Variants in RIMS2 observed in about 807,000 individuals in gnomAD.
The protein encoded by RIMS2 is regulating synaptic membrane exocytosis protein 2.
RIMS2 carries 59 observed loss-of-function variants against 174.4 expected under a neutral mutation model. The ratio of observed to expected loss-of-function variants is 0.34; its 90% CI spans 0.27 to 0.42. The LOEUF is 0.42. Among genes scored for constraint, RIMS2 ranks in the 10% least tolerant of loss-of-function variants. The pLI, the probability that RIMS2 is intolerant of heterozygous loss-of-function variation, is 1.00. For missense variants in RIMS2, 1,620 were observed against 1,666.3 expected, an observed-to-expected ratio of 0.97 and a Z score of 0.48; for synonymous variants, 606 against 572.5, an observed-to-expected ratio of 1.06 and a Z score of -0.84.
At chr8:104,067,408 T>G (rs1477113853) in intron 19 of RIMS2, among the ~76,000 whole-genome samples, 1 of 152,158 alleles carries the variant, frequency 6.6e-6, no homozygotes, top group Non-Finnish European at 1.5e-5. Context: ...CAAATGTACT[T>G]TTTTTGAGAT....
chr8:103,548,950 T>A (rs989887091), intron 1 of RIMS2, among the ~76,000 whole-genome samples: 16 of 152,094 alleles, frequency 1.1e-4, no homozygotes, highest in African/African-American at 3.9e-4. Flanking sequence ...TACCTAGGAA[T>A]ACAGCTAACT....
At chr8:103,963,358 C>T (rs2090793024) in intron 15 of RIMS2, among the ~76,000 whole-genome samples, 1 of 152,080 alleles carries the variant, frequency 6.6e-6, no homozygotes, top group African/African-American at 2.4e-5. Context: ...AGATTTCTTT[C>T]CAATTGCACA....
chr8:103,868,196 G>C (rs1450721729), intron 3 of RIMS2, among the ~76,000 whole-genome samples: 2 of 151,888 alleles, frequency 1.3e-5, no homozygotes, highest in Non-Finnish European at 2.9e-5. Flanking sequence ...TGGTTAACTA[G>C]ATAAGGTTCT....
chr8:103,737,175 C>CT lies in RIMS2; in HGVS notation c.388-29026dup, dbSNP rs554949027. Among the ~76,000 whole-genome samples the CT allele has an allele frequency of 9.7e-3, 652 of 67,518 alleles. 63 individuals carry two copies. The highest frequency in any genetic ancestry group is 0.014 in the African/African-American group (231 of 16,066). The allele number at this position is 67,518 out of a possible 152,430, so 44.3% of individuals were successfully genotyped here. ...TCCTTTTCTTTTCTTTTTCTTTGTT[C>CT]TTTTTTTTTTTTTTTTTTTTTTTTT... On this transcript the variant is annotated intron_variant, in intron 2 of 23. Coordinates refer to ENST00000504942, the Ensembl canonical transcript of RIMS2.
At chr8:103,565,533 C>T (rs531365940) in intron 1 of RIMS2, among the ~76,000 whole-genome samples, 18 of 152,164 alleles carry the variant, frequency 1.2e-4, no homozygotes, top group South Asian at 2.1e-4. Context: ...CTCGAATATC[C>T]GAGTTCAAGC....
chr8:103,545,391 C>T (rs2131380507), intron 1 of RIMS2, among the ~76,000 whole-genome samples: 1 of 152,198 alleles, frequency 6.6e-6, no homozygotes, highest in Admixed American at 6.5e-5. Context: ...GAGACCAAAT[C>T]TACAACTCAT....
chr8:103,697,379 C>A, intron 2 of RIMS2, 83 bp downstream of exon 4: 1 of 1,067,226 alleles, frequency 9.4e-7, no homozygotes, highest in Non-Finnish European at 1.5e-6. Flanking sequence ...TTAATTCAAC[C>A]CAAATAATAT....
chr8:103,663,106 T>C (rs1190184802), intron 1 of RIMS2, among the ~76,000 whole-genome samples: 1 of 151,952 alleles, frequency 6.6e-6, no homozygotes, highest in African/African-American at 2.4e-5. Context: ...GAGGCAGAGA[T>C]TGCAGTGAGC....
chr8:103,726,658 G>C (rs12707794), intron 2 of RIMS2, among the ~76,000 whole-genome samples: 25,694 of 148,850 alleles, frequency 0.17, 2,396 homozygotes, highest in African/African-American at 0.23. Context: ...TGTTTTTGAT[G>C]TATTCACCTT....
intron 19 of RIMS2, among the ~76,000 whole-genome samples, chr8:104,105,901 A>G (rs2098042012): frequency 6.6e-6 from 1 of 151,786 alleles, no homozygotes; most frequent in Non-Finnish European, 1.5e-5. Flanking sequence ...TTAGCTGGGC[A>G]TGGTGGCACG....
chr8:103,954,644 A>G (rs953101428), intron 14 of RIMS2, among the ~76,000 whole-genome samples: 8 of 152,216 alleles, frequency 5.3e-5, no homozygotes, highest in Non-Finnish European at 4.4e-5. Context: ...CCCACAAGAG[A>G]AAGCAGGAAA....
chr8:103,510,481 A>C (rs1825912515), intron 1 of RIMS2, among the ~76,000 whole-genome samples: 2 of 152,312 alleles, frequency 1.3e-5, no homozygotes, highest in South Asian at 4.1e-4. Context: ...TAGAAACTAA[A>C]GGAGGATTGT....
At chr8:103,788,996 G>A (rs900751447) in intron 3 of RIMS2, among the ~76,000 whole-genome samples, 9 of 152,184 alleles carry the variant, frequency 5.9e-5, no homozygotes, top group East Asian at 3.9e-4. Flanking sequence ...TAAGCCCTTC[G>A]GAAAAGCGCA....
chr8:103,790,154 G>A (rs1283504855), intron 3 of RIMS2, among the ~76,000 whole-genome samples: 1 of 152,164 alleles, frequency 6.6e-6, no homozygotes, highest in African/African-American at 2.4e-5. Flanking sequence ...GTACACCTAA[G>A]TGGTGTTTAG....
intron 3 of RIMS2, among the ~76,000 whole-genome samples, chr8:103,807,319 A>T (rs1011509109): frequency 1.3e-5 from 2 of 152,200 alleles, no homozygotes; most frequent in African/African-American, 2.4e-5. Flanking sequence ...AATGATACAG[A>T]TAAGTCATGG....
intron 19 of RIMS2, among the ~76,000 whole-genome samples, chr8:104,055,332 C>T (rs889845497): frequency 6.6e-6 from 1 of 152,010 alleles, no homozygotes; most frequent in Non-Finnish European, 1.5e-5. Flanking sequence ...CATATGACAA[C>T]ATAAAAAGTT....
chr8:104,064,810 A>G (rs895434906), intron 19 of RIMS2, among the ~76,000 whole-genome samples: 20 of 152,092 alleles, frequency 1.3e-4, no homozygotes, highest in African/African-American at 4.1e-4. Flanking sequence ...TTTGTCAAAG[A>G]AATTGGGTTG....
intron 19 of RIMS2, among the ~76,000 whole-genome samples, chr8:104,064,197 TTTTTA>T (rs1487608255): frequency 6.6e-6 from 1 of 152,178 alleles, no homozygotes; most frequent in African/African-American, 2.4e-5. Flanking sequence ...TAGAATTAAT[TTTTTA>T]TTTAAGAAGA....
intron 3 of RIMS2, among the ~76,000 whole-genome samples, chr8:103,777,346 T>C (rs898505796): frequency 2.6e-5 from 4 of 152,040 alleles, no homozygotes; most frequent in Non-Finnish European, 4.4e-5. Context: ...GTATCTTGCC[T>C]CTTTTTTTCA....
Sources: allele counts gnomAD v4.1 joint callset (sites outside exome capture counted in the v4.1 genomes callset), GRCh38; gene constraint gnomAD v4.1.1; transcripts MANE v1.5; gene names NCBI Gene and HGNC (gene_info 2026-07-23, HGNC 2026-07-21).